TTN: variants seen among roughly 807,000 people sequenced by gnomAD.
TTN encodes titin.
A neutral mutation model predicts 3,223.0 loss-of-function variants in TTN; 1,525 were observed. That is an observed-to-expected ratio of 0.47 (90% CI 0.45 to 0.49). The LOEUF (loss-of-function observed/expected upper bound fraction) is 0.49, where lower values mean the gene tolerates loss of function less well. Among genes scored for constraint, TTN ranks in the 20% least tolerant of loss-of-function variants. The probability of loss-of-function intolerance (pLI) is 0.00; values close to 1 mark genes in which losing one functional copy is unlikely to be tolerated. For missense variants in TTN, 40,786 were observed against 43,424.0 expected, an observed-to-expected ratio of 0.94 and a Z score of 5.40; for synonymous variants, 14,094 against 15,161.0, an observed-to-expected ratio of 0.93 and a Z score of 5.17.
At chr2:178,746,299 T>A (rs2083530478) in intron 47 of TTN, 1 of 1,612,442 alleles carries the variant, frequency 6.2e-7, no homozygotes, top group Non-Finnish European at 8.5e-7. Flanking sequence ...TTTTTAGTTC[T>A]TTGTCTTCTC....
intron 37 of TTN, 39 bp from the exon 38 acceptor site, chr2:178,768,972 AC>A (rs1207340084): frequency 1.2e-6 from 2 of 1,609,272 alleles, no homozygotes; most frequent in Middle Eastern, 1.7e-4. Context: ...AGGAGACTTT[AC>A]GTAAATATGA....
Position 178,544,192 on chromosome 2 carries a change from G to T in TTN, c.96028+9C>A. On this transcript the variant is annotated intron_variant, in intron 345 of 362. Transcript: ENST00000589042. ...AAATAATTCACCTAAAAGCTTCTGT[G>T]ATAAATACCTATTCTTTCCACGGGC... 1 of 1,610,158 alleles carries T rather than the reference G, an allele frequency of 6.2e-7. No individual in the cohort carries two copies. The highest frequency in any genetic ancestry group is 8.5e-7 in the Non-Finnish European group (1 of 1,176,754).
In TTN at chr2:178,569,462, A is replaced by G. The variant is rs758441370; in HGVS notation, c.76670T>C (p.Ile25557Thr). 5 of 1,612,984 alleles carry G rather than the reference A, an allele frequency of 3.1e-6. No homozygotes were observed. The highest frequency in any genetic ancestry group is 2.2e-5 in the South Asian group (2 of 91,018). Residue 25557 changes from isoleucine to threonine, a missense_variant, in exon 326 of 363, where the codon ATT becomes ACT. Ile to Thr is a moderately conservative substitution (Grantham distance 89). Coordinates refer to ENST00000589042, the MANE Select transcript of TTN (RefSeq NM_001267550.2). ...AGAGGTGAAACTGCTAGTGACATCA[A>G]TTATAGCTGCATCTCGGATTTCACC... is the stretch of plus-strand genomic sequence containing the variant. ...VDGEIRDAAI[I>T]DVTSSFTSLV...
Position 178,704,949 on chromosome 2 carries a change from C to T in TTN, c.29622G>A (p.Glu9874=). 6.2e-7 allele frequency: 1 copy of T among 1,612,580 alleles called. No homozygotes were observed. Among genetic ancestry groups the T allele is most frequent in the Non-Finnish European group, 8.5e-7 (1 of 1,179,704 alleles). Residue 9874 remains glutamate (E), a synonymous_variant, in exon 104 of 363, where the codon GAG becomes GAA. Transcript: ENST00000589042. The part of the protein sequence containing the change: ...ETHRLEIEEI[E]RSERDEKEFE... ...ATTCCTTTTCGTCCCTCTCTGACCT[C>T]TCTATTTCCTCAATTTCCTGAGAAG...
intron 108 of TTN, 49 bp from the exon 109 acceptor site, chr2:178,702,115 T>C (rs753104606): frequency 5.0e-6 from 8 of 1,613,286 alleles, no homozygotes; most frequent in African/African-American, 1.3e-5. Flanking sequence ...ATGGTATAGG[T>C]AGGCTACGTG....
In TTN at chr2:178,577,838, GT is replaced by G; in HGVS notation, c.68587del (p.Thr22863LeufsTer11). ...ITRNSVTLIW[T>X]EPKYDGGHKL... ...ATGACCACCGTCATATTTAGGTTCA[GT>G]CCAAATGAGAGTCACTGAATTCCTT... On this transcript the variant is annotated frameshift_variant, in exon 323 of 363. Coordinates refer to ENST00000589042, the MANE Select transcript of TTN (RefSeq NM_001267550.2). LOFTEE classifies it high-confidence loss of function. The G allele has an allele frequency of 6.2e-7, 1 of 1,605,122 alleles. No individual in the cohort carries two copies. The highest frequency in any genetic ancestry group is 8.5e-7 in the Non-Finnish European group (1 of 1,175,090).
intron 322 of TTN, 25 bp downstream of exon 322, chr2:178,577,963 G>A (rs1310622124): frequency 1.3e-6 from 2 of 1,599,460 alleles, no homozygotes; most frequent in African/African-American, 2.7e-5. Flanking sequence ...CATGCACCTG[G>A]GTTTTTCTTC....
chr2:178,728,551 C>A lies in TTN; in HGVS notation c.19375G>T (p.Val6459Leu). The part of the protein sequence containing the change: ...KQDSGQYTFK[V>L]ENDFGSSSCD... ...CTACTGCTTCCGAAGTCATTTTCCA[C>A]CTTGAAAGTGTACTGACCGCTGTCC... is the stretch of plus-strand genomic sequence containing the variant. Residue 6459 changes from valine (V) to leucine (L), a missense_variant, in exon 66 of 363, where the codon GTG (valine) becomes TTG (leucine). Transcript: ENST00000589042. The A allele has an allele frequency of 6.2e-7, 1 of 1,612,970 alleles. No individual in the cohort carries two copies.
intron 338 of TTN, 47 bp downstream of exon 338, chr2:178,549,523 A>C: frequency 6.3e-7 from 1 of 1,592,928 alleles, no homozygotes; most frequent in South Asian, 1.1e-5. Context: ...TTTGCTTGGA[A>C]GGTTAAACTT....
In TTN at chr2:178,735,995, T is replaced by C. The variant is rs370621465; in HGVS notation, c.14451A>G (p.Thr4817=). Reference sequence around the variant, plus strand: ...TTTCTATCACAGGAGTCCCTGTCACTGTGCAGATGAACTTGGCTGCCTTAC... The same window carrying C: ...TTTCTATCACAGGAGTCCCTGTCACCGTGCAGATGAACTTGGCTGCCTTAC... ...FVGKAAKFIC[T]VTGTPVIETI... Residue 4817 remains threonine (T), a synonymous_variant, in exon 50 of 363, where the codon ACA becomes ACG. Coordinates refer to ENST00000589042, the MANE Select transcript of TTN (RefSeq NM_001267550.2). 66 of 1,613,466 alleles carry C rather than the reference T, an allele frequency of 4.1e-5. No homozygotes were observed. In the African/African-American group the frequency reaches 8.4e-4, roughly 21 times the overall value.
chr2:178,636,425 T>G lies in TTN; in HGVS notation c.41302A>C (p.Thr13768Pro). 2 of 1,609,920 alleles carry G rather than the reference T, an allele frequency of 1.2e-6. No individual in the cohort carries two copies. Among genetic ancestry groups the G allele is most frequent in the Non-Finnish European group, 1.7e-6 (2 of 1,177,542 alleles). ...CVLRLGNKEK[T>P]STAKLVVEEL... The stretch of plus-strand genomic sequence containing the variant: ...TCTACAACAAGTTTAGCCGTGGAGG[T>G]CTTTTCTTTGTTTCCCAAACGTAAA... The change falls in exon 225 of 363, where the codon ACC becomes CCC. Residue 13768 changes from threonine (T) to proline (P), a missense_variant. Transcript: ENST00000589042. This position sits in a 1 kb window ranked among gnomAD's most constrained non-coding sequence, Gnocchi z 4.3.
intron 278 of TTN, 105 bp downstream of exon 278, chr2:178,606,916 T>C: frequency 7.8e-7 from 1 of 1,275,322 alleles, no homozygotes; most frequent in South Asian, 1.5e-5. Context: ...ACTCTTTAGC[T>C]ATAGATTTTG....
chr2:178,578,403 A>AATAG (rs1429236980), intron 321 of TTN, among the ~76,000 whole-genome samples: 5 of 152,066 alleles, frequency 3.3e-5, no homozygotes, highest in African/African-American at 1.2e-4. Flanking sequence ...AACTTACAAA[A>AATAG]ATAGATATTA....
intron 276 of TTN, 22 bp downstream of exon 276, chr2:178,607,763 T>C: frequency 6.2e-7 from 1 of 1,612,354 alleles, no homozygotes; most frequent in Non-Finnish European, 8.5e-7. Context: ...ATCCATAATT[T>C]TATTCCAATA....
chr2:178,638,345 T>TA (rs1314931461), intron 223 of TTN, among the ~76,000 whole-genome samples: 2 of 150,818 alleles, frequency 1.3e-5, no homozygotes, highest in Admixed American at 1.3e-4. Flanking sequence ...TAAACAAATA[T>TA]AAAATGACTA....
chr2:178,753,878 T>C (rs1029250186), intron 46 of TTN: 2 of 152,138 alleles, frequency 1.3e-5, no homozygotes, highest in African/African-American at 4.8e-5. Context: ...AATGACAAAC[T>C]TGATGTTTTC....
In TTN at chr2:178,664,458, A is replaced by G. The variant is rs1266861758; in HGVS notation, c.36280+2T>C. The stretch of plus-strand genomic sequence containing the variant: ...ACCATAAAAAGACAGTTAAGAATGT[A>G]CCTTTGACAGGTACAACTTCAGCCC... On this transcript the variant is annotated splice_donor_variant, in intron 168 of 362. Transcript: ENST00000589042. LOFTEE classifies it high-confidence loss of function. The G allele has an allele frequency of 1.9e-6, 3 of 1,608,226 alleles. No individual in the cohort carries two copies. Among genetic ancestry groups the G allele is most frequent in the South Asian group, 1.1e-5 (1 of 90,410 alleles).
rs972793123 is a variant in TTN, at chr2:178,601,245, A to G, written c.55732+20T>C. On this transcript the variant is annotated intron_variant, in intron 287 of 362. Coordinates refer to ENST00000589042, the MANE Select transcript of TTN (RefSeq NM_001267550.2). ...CTTCAATTTTGAGAAGATATTTTAA[A>G]TTTAGATTTTAAAGCTTACATATCG... 3 of 1,522,030 alleles carry G rather than the reference A, an allele frequency of 2.0e-6. No individual in the cohort carries two copies. Among genetic ancestry groups the G allele is most frequent in the Non-Finnish European group, 2.6e-6 (3 of 1,139,188 alleles). The allele number at this position is 1,522,030 out of a possible 1,614,324, so 94.3% of individuals were successfully genotyped here.
Position 178,528,513 on chromosome 2 carries a change from C to G in TTN, c.107223+15G>C. 1 of 1,596,536 alleles carries G rather than the reference C, an allele frequency of 6.3e-7. No homozygotes were observed. The highest frequency in any genetic ancestry group is 1.7e-4 in the Middle Eastern group (1 of 5,966). On this transcript the variant is annotated intron_variant, in intron 360 of 362. Coordinates refer to ENST00000589042, the MANE Select transcript of TTN (RefSeq NM_001267550.2). ...TTTAGTTTTTCTTCAATAATATATT[C>G]ATAATTAAACTTACTGGCAGGTTGT... is the stretch of plus-strand genomic sequence containing the variant.
Sources: gnomAD v4.1 joint callset for allele counts (sites outside exome capture counted in the v4.1 genomes callset) on GRCh38, gnomAD v4.1.1 for gene constraint, Gnocchi (gnomAD v3.1) non-coding constraint, MANE v1.5 for transcripts, NCBI Gene and HGNC (gene_info 2026-07-23, HGNC 2026-07-21) for gene names.